Variants in CHEK2 observed in about 807,000 individuals in gnomAD.
CHEK2 encodes checkpoint kinase 2.
In CHEK2, 71 loss-of-function variants were observed where a neutral mutation model predicts 69.1. That is an observed-to-expected ratio of 1.03 (90% CI 0.85 to 1.25). CHEK2 has a LOEUF of 1.25. Ranked by LOEUF, CHEK2 falls within the 50% of genes most tolerant of loss-of-function variation. The pLI is 0.00. For synonymous variants in CHEK2, 189 were observed against 226.9 expected (o/e 0.83, Z 1.50); for missense variants, 664 against 649.6 (o/e 1.02, Z -0.24).
At chr22:28,731,361 G>T (rs968972277) in intron 2 of CHEK2, among the ~76,000 whole-genome samples, 1 of 152,188 alleles carries the variant, frequency 6.6e-6, no homozygotes. Flanking sequence ...CACTTTGGGA[G>T]GCCAAGGCGG....
chr22:28,725,060 A>G lies in CHEK2; in HGVS notation c.509T>C (p.Val170Ala). ...TCCTTTCCCTACAAGCTCTGTATTTACAAAGGTTCCATTGCCACTGTGATC... is the reference window on the plus strand; with the variant it reads ...TCCTTTCCCTACAAGCTCTGTATTTGCAAAGGTTCCATTGCCACTGTGATC... Reference protein sequence around the residue: ...IEDHSGNGTFVNTELVGKGKR... With the variant: ...IEDHSGNGTFANTELVGKGKR... Residue 170 changes from valine to alanine, a missense_variant, in exon 4 of 15, where the codon GTA (valine) becomes GCA (alanine). Coordinates refer to ENST00000404276, the MANE Select transcript of CHEK2 (RefSeq NM_007194.4). The G allele has an allele frequency of 1.2e-6, 2 of 1,614,142 alleles. No homozygotes were observed. The highest frequency in any genetic ancestry group is 1.1e-5 in the South Asian group (1 of 91,088).
At chr22:28,692,471 TTTTGTTTG>T (rs35397484) in intron 13 of CHEK2, among the ~76,000 whole-genome samples, 15 of 150,568 alleles carry the variant, frequency 1.0e-4, no homozygotes, top group South Asian at 2.1e-4. Context: ...ATATGTCTTT[TTTTGTTTG>T]TTTGTTTGTT....
rs1227327745 is a variant in CHEK2 at position 28,715,698 on chromosome 22, G to A, written c.684-3681C>T. ...GCCTCCCAAAGTACCCGGATTACAG[G>A]CGTTAGCCACTATGCCCGGCCTGGC... On this transcript the variant is annotated intron_variant, in intron 5 of 14. Coordinates refer to ENST00000404276, the MANE Select transcript of CHEK2 (RefSeq NM_007194.4). 2.6e-5 allele frequency among the ~76,000 whole-genome samples: 4 copies of A among 152,148 alleles called. No homozygotes were observed. In the East Asian group the frequency reaches 5.8e-4, roughly 22 times the overall value.
chr22:28,714,989 G>C (rs767553443), intron 5 of CHEK2, among the ~76,000 whole-genome samples: 11 of 152,162 alleles, frequency 7.2e-5, no homozygotes, highest in Non-Finnish European at 1.2e-4. Flanking sequence ...ACACAGGATA[G>C]CTACATAACC....
intron 2 of CHEK2, among the ~76,000 whole-genome samples, chr22:28,731,361 G>C (rs968972277): frequency 6.6e-6 from 1 of 152,188 alleles, no homozygotes; most frequent in Non-Finnish European, 1.5e-5. Flanking sequence ...CACTTTGGGA[G>C]GCCAAGGCGG....
chr22:28,695,657 A>G lies in CHEK2; in HGVS notation c.1259+53T>C, dbSNP rs2052544536. The G allele has an allele frequency of 2.0e-6, 3 of 1,484,558 alleles. No individual in the cohort carries two copies. The African/African-American group carries it at 4.2e-5, about 21-fold the overall frequency. The allele number at this position is 1,484,558 out of a possible 1,614,324, so 92.0% of individuals were successfully genotyped here. A position where few individuals can be genotyped will look rare whatever the true frequency, so the allele number is the denominator to read the frequency against. ...GACAACAGAGCAAGACACATTTGTG[A>G]CTTCATCTAATCACCTCCTACCAGT... On this transcript the variant is annotated intron_variant, in intron 11 of 14. Transcript: ENST00000404276.
At chr22:28,730,206 GGAAGA>G in intron 2 of CHEK2, among the ~76,000 whole-genome samples, 1 of 141,664 alleles carries the variant, frequency 7.1e-6, no homozygotes, top group Non-Finnish European at 1.5e-5. Flanking sequence ...AAAGGAGAGA[GGAAGA>G]GAGAAGAGGA....
rs876658514 is a variant in CHEK2 at position 28,711,904 on chromosome 22, C to G, written c.792+5G>C. 1 of 1,588,832 alleles carries G rather than the reference C, an allele frequency of 6.3e-7. No individual in the cohort carries two copies. The highest frequency in any genetic ancestry group is 1.3e-5 in the African/African-American group (1 of 74,394). ...AAAGGTGATCAGCCTTTTATTGGTACTTACTGCCTCTCTTGCTGAACCAAT... is the reference window on the plus strand; with the variant it reads ...AAAGGTGATCAGCCTTTTATTGGTAGTTACTGCCTCTCTTGCTGAACCAAT... On this transcript the variant is annotated splice_donor_5th_base_variant and intron_variant, in intron 6 of 14. Coordinates refer to ENST00000404276, the MANE Select transcript of CHEK2 (RefSeq NM_007194.4).
At chr22:28,691,370 T>G (rs574882521) in intron 13 of CHEK2, among the ~76,000 whole-genome samples, 1 of 152,138 alleles carries the variant, frequency 6.6e-6, no homozygotes, top group African/African-American at 2.4e-5. Context: ...TCCCAGCCAC[T>G]TGGGAGGCTG....
intron 4 of CHEK2, chr22:28,721,771 C>T (rs888470475): frequency 3.0e-6 from 1 of 337,366 alleles, no homozygotes; most frequent in Non-Finnish European, 6.2e-6. Flanking sequence ...TACTCTCTTG[C>T]CCAGGGAAGA....
chr22:28,695,358 G>T (rs2052532349), intron 11 of CHEK2, 116 bp from the exon 12 acceptor site: 1 of 724,224 alleles, frequency 1.4e-6, no homozygotes. Context: ...TTAAATCAAT[G>T]GTCAAAAAGT....
chr22:28,703,435 A>G (rs1461558151), intron 8 of CHEK2, 70 bp downstream of exon 8: 17 of 857,796 alleles, frequency 2.0e-5, no homozygotes, highest in Non-Finnish European at 3.1e-5. Context: ...GCAAGCCTAC[A>G]TTAGATTCTT....
chr22:28,716,428 C>T (rs1247525227), intron 5 of CHEK2, among the ~76,000 whole-genome samples: 1 of 151,956 alleles, frequency 6.6e-6, no homozygotes, highest in Non-Finnish European at 1.5e-5. Context: ...AACCCCCAAC[C>T]TCAGGTGATC....
intron 4 of CHEK2, among the ~76,000 whole-genome samples, chr22:28,721,281 GTTTTTT>G (rs755378917): frequency 1.4e-4 from 15 of 109,940 alleles, no homozygotes; most frequent in Admixed American, 1.4e-3. Context: ...GTTTGTTTGG[GTTTTTT>G]TTTTTTTTTT....
chr22:28,699,864 AAT>A lies in CHEK2; in HGVS notation c.980_981del (p.Tyr327PhefsTer13). 6.2e-7 allele frequency: 1 copy of A among 1,613,988 alleles called. No homozygotes were observed. The highest frequency in any genetic ancestry group is 2.2e-5 in the East Asian group (1 of 44,870). ...TGCACAGCCAAGAGCATCTGGTAAA[AAT>A]AGAGCTTGCAGGTAGCTTCTTTCAG... ...KRLKEATCKL[Y>X]FYQMLLAVQY... On this transcript the variant is annotated frameshift_variant, in exon 9 of 15. Transcript: ENST00000404276. LOFTEE classifies it high-confidence loss of function.
intron 1 of CHEK2, among the ~76,000 whole-genome samples, chr22:28,738,861 G>A (rs2054485768): frequency 6.6e-6 from 1 of 152,114 alleles, no homozygotes; most frequent in South Asian, 2.1e-4. Flanking sequence ...AAAGTGAAGA[G>A]ACAACCCACA....
chr22:28,728,570 C>T (rs151240496), intron 2 of CHEK2, among the ~76,000 whole-genome samples: 4 of 152,024 alleles, frequency 2.6e-5, no homozygotes, highest in African/African-American at 7.2e-5. Context: ...GGTGTGGTGG[C>T]GCGCCCCTGT....
chr22:28,723,561 G>GCA (rs1047436993), intron 4 of CHEK2, among the ~76,000 whole-genome samples: 2 of 136,524 alleles, frequency 1.5e-5, no homozygotes, highest in African/African-American at 5.6e-5. Flanking sequence ...TCGCGCCACT[G>GCA]CACTCCAGCC....
chr22:28,694,255 T>G lies in CHEK2; in HGVS notation c.1376-138A>C, dbSNP rs551643825. ...CACGGAGTCAGCAGACAGGGCCCCC[T>G]AATCTTCCTCACTCTCTGTATTCAG... On this transcript the variant is annotated intron_variant, in intron 12 of 14. Transcript: ENST00000404276. The G allele has an allele frequency of 1.3e-5, 9 of 696,120 alleles. No individual in the cohort carries two copies. In the African/African-American group the frequency reaches 1.4e-4, roughly 11 times the overall value. 43.1% of individuals were successfully genotyped at this position (696,120 alleles called of 1,614,324 possible).
Sources: gnomAD v4.1 joint callset for allele counts (sites outside exome capture counted in the v4.1 genomes callset) on GRCh38, gnomAD v4.1.1 for gene constraint, MANE v1.5 for transcripts, NCBI Gene and HGNC (gene_info 2026-07-23, HGNC 2026-07-21) for gene names.